The following ANKS1B variants were observed in gnomAD, a reference collection of about 807,000 sequenced individuals.
The protein encoded by ANKS1B is ankyrin repeat and sterile alpha motif domain-containing protein 1B.
In ANKS1B, 36 loss-of-function variants were observed where a neutral mutation model predicts 148.3. The observed-to-expected ratio is 0.24, with a 90% CI of 0.19 to 0.32. ANKS1B has a LOEUF of 0.32. Among genes scored for constraint, ANKS1B ranks in the 10% least tolerant of loss-of-function variants. The pLI is 1.00. For missense variants in ANKS1B, 1,157 were observed against 1,542.6 expected, an observed-to-expected ratio of 0.75 and a Z score of 4.19; for synonymous variants, 542 against 560.8, an observed-to-expected ratio of 0.97 and a Z score of 0.47.
chr12:99,531,724 G>A (rs1054825806), intron 9 of ANKS1B, among the ~76,000 whole-genome samples: 1 of 152,162 alleles, frequency 6.6e-6, no homozygotes, highest in African/African-American at 2.4e-5. Context: ...ATACCCAGTA[G>A]TTGGATTGTT....
chr12:99,487,804 G>A (rs986228391), intron 10 of ANKS1B, among the ~76,000 whole-genome samples: 1 of 152,008 alleles, frequency 6.6e-6, no homozygotes, highest in Non-Finnish European at 1.5e-5. Context: ...ATTCTGTATT[G>A]ATGGGCACAA....
intron 9 of ANKS1B, among the ~76,000 whole-genome samples, chr12:99,532,786 T>C (rs1195839640): frequency 1.3e-5 from 2 of 152,234 alleles, no homozygotes; most frequent in Admixed American, 6.5e-5. Context: ...GGATGTCCTT[T>C]CCCCAGTGCA....
At chr12:99,050,022 T>C (rs1045421522) in intron 17 of ANKS1B, among the ~76,000 whole-genome samples, 2 of 152,220 alleles carry the variant, frequency 1.3e-5, no homozygotes, top group Non-Finnish European at 2.9e-5. Context: ...CTCATTACAA[T>C]GGTTCAGGAT....
In ANKS1B at chr12:99,058,719, C is replaced by CTTTTTTT. The variant is rs869064302; in HGVS notation, c.2626-5417_2626-5411dup. Among the ~76,000 whole-genome samples the CTTTTTTT allele has an allele frequency of 1.4e-4, 11 of 80,684 alleles. 2 individuals carry two copies. The highest frequency in any genetic ancestry group is 2.4e-4 in the Non-Finnish European group (10 of 42,358). 52.9% of individuals were successfully genotyped at this position (80,684 alleles called of 152,430 possible). A position where few individuals can be genotyped will look rare whatever the true frequency, so the allele number is the denominator to read the frequency against. On this transcript the variant is annotated intron_variant, in intron 16 of 26. Coordinates refer to ENST00000683438, the MANE Select transcript of ANKS1B (RefSeq NM_001352186.2). ...TTCTCCTAATGAAATTCTATCTATCCTTTTTTTTTTTTTTTTTTTTTTTTT... is the reference window on the plus strand; with the variant it reads ...TTCTCCTAATGAAATTCTATCTATCCTTTTTTTTTTTTTTTTTTTTTTTTTTTTTTTT...
intron 15 of ANKS1B, among the ~76,000 whole-genome samples, chr12:99,121,321 A>ATGTGTGCG (rs1555270007): frequency 2.1e-5 from 3 of 142,754 alleles, no homozygotes; most frequent in Non-Finnish European, 4.6e-5. Flanking sequence ...GTATGTAGGT[A>ATGTGTGCG]TGTGTGTGTG....
intron 25 of ANKS1B, among the ~76,000 whole-genome samples, chr12:98,771,796 G>A (rs1031079032): frequency 2.6e-5 from 4 of 152,162 alleles, no homozygotes; most frequent in Non-Finnish European, 5.9e-5. Flanking sequence ...ATTTCTGAAT[G>A]AGCATATGGG....
intron 12 of ANKS1B, among the ~76,000 whole-genome samples, chr12:99,361,651 T>A (rs1282124354): frequency 2.0e-5 from 3 of 152,038 alleles, no homozygotes; most frequent in Non-Finnish European, 4.4e-5. Flanking sequence ...TAAACTAGCT[T>A]TAATATGATT....
At chr12:99,963,720 A>G (rs997882411) in intron 1 of ANKS1B, among the ~76,000 whole-genome samples, 3 of 152,224 alleles carry the variant, frequency 2.0e-5, no homozygotes, top group African/African-American at 7.2e-5. Flanking sequence ...GGAAATTCCC[A>G]GTATGAATTA....
intron 1 of ANKS1B, among the ~76,000 whole-genome samples, chr12:99,921,556 C>T (rs2094352807): frequency 6.6e-6 from 1 of 152,092 alleles, no homozygotes; most frequent in South Asian, 2.1e-4. Context: ...GAACATGAGA[C>T]TCCAAAAATA....
At chr12:99,561,351 T>C (rs2097334188) in intron 9 of ANKS1B, among the ~76,000 whole-genome samples, 1 of 152,198 alleles carries the variant, frequency 6.6e-6, no homozygotes, top group Non-Finnish European at 1.5e-5. Flanking sequence ...TTTGTTGTCA[T>C]TTCAACAACA....
At chr12:99,198,866 T>C (rs1244991436) in intron 14 of ANKS1B, among the ~76,000 whole-genome samples, 1 of 152,172 alleles carries the variant, frequency 6.6e-6, no homozygotes, top group East Asian at 1.9e-4. Flanking sequence ...AATGGGATTT[T>C]GAAAAAGTAA....
chr12:99,724,039 G>A (rs965435844), intron 8 of ANKS1B, among the ~76,000 whole-genome samples: 2 of 151,774 alleles, frequency 1.3e-5, no homozygotes, highest in African/African-American at 2.4e-5. Flanking sequence ...TCATGAAGAT[G>A]AGAAAGGATC....
At chr12:99,935,621 A>C (rs1490305870) in intron 1 of ANKS1B, among the ~76,000 whole-genome samples, 1 of 152,118 alleles carries the variant, frequency 6.6e-6, no homozygotes, top group Non-Finnish European at 1.5e-5. Flanking sequence ...GCCACTCTCA[A>C]CTTCTAGATG....
chr12:99,373,225 G>A (rs1401093922), intron 12 of ANKS1B, among the ~76,000 whole-genome samples: 1 of 152,094 alleles, frequency 6.6e-6, no homozygotes, highest in Non-Finnish European at 1.5e-5. Flanking sequence ...GGAAAGGGCA[G>A]GAATAGGCCA....
chr12:99,353,158 C>A (rs1174511990), intron 12 of ANKS1B, among the ~76,000 whole-genome samples: 1 of 152,012 alleles, frequency 6.6e-6, no homozygotes, highest in Non-Finnish European at 1.5e-5. Flanking sequence ...ATTAGAGGCA[C>A]CACAGTATGA....
intron 26 of ANKS1B, among the ~76,000 whole-genome samples, chr12:98,748,435 C>T (rs1340717053): frequency 6.6e-6 from 1 of 152,188 alleles, no homozygotes; most frequent in Non-Finnish European, 1.5e-5. Flanking sequence ...TCAGGTGGAT[C>T]TACACCATGG....
At chr12:98,818,145 CTCCCTCCCTCCT>C (rs2099156369) in intron 19 of ANKS1B, among the ~76,000 whole-genome samples, 1 of 106,762 alleles carries the variant, frequency 9.4e-6, no homozygotes, top group South Asian at 4.8e-4. Flanking sequence ...AGTTCCCTCC[CTCCCTCCCTCCT>C]TCCCTCCCTC....
chr12:99,559,441 A>G (rs1422277412), intron 9 of ANKS1B, among the ~76,000 whole-genome samples: 1 of 152,214 alleles, frequency 6.6e-6, no homozygotes, highest in Non-Finnish European at 1.5e-5. Flanking sequence ...GTTTTCACAT[A>G]AATTCAAGTA....
intron 1 of ANKS1B, among the ~76,000 whole-genome samples, chr12:99,872,888 T>C (rs1364673545): frequency 6.6e-6 from 1 of 152,128 alleles, no homozygotes; most frequent in Non-Finnish European, 1.5e-5. Context: ...GGTCTTATTC[T>C]CAATTGTTTC....
Sources: gnomAD v4.1 joint callset for allele counts (sites outside exome capture counted in the v4.1 genomes callset) on GRCh38, gnomAD v4.1.1 for gene constraint, MANE v1.5 for transcripts, NCBI Gene and HGNC (gene_info 2026-07-23, HGNC 2026-07-21) for gene names.